Variants in CACNB1 observed in about 807,000 individuals in gnomAD.
CACNB1 encodes voltage-dependent L-type calcium channel subunit beta-1.
In CACNB1, 29 loss-of-function variants were observed where a neutral mutation model predicts 71.6. The observed-to-expected ratio is 0.40, with a 90% CI of 0.30 to 0.55. The LOEUF is 0.55. Ranked by LOEUF, CACNB1 falls within the 20% of genes least tolerant of loss-of-function variation. CACNB1 has a pLI of 0.38. For missense variants in CACNB1, 623 were observed against 801.8 expected (o/e 0.78, Z 2.69); for synonymous variants, 300 against 319.6 (o/e 0.94, Z 0.65).
intron 7 of CACNB1, 38 bp from the exon 8 acceptor site, chr17:39,184,902 A>G: frequency 7.5e-7 from 1 of 1,340,948 alleles, no homozygotes; most frequent in Non-Finnish European, 1.1e-6. Context: ...CCCAGAGTGG[A>G]GATGACATTA....
In CACNB1 at chr17:39,194,180, C is replaced by G. The variant is rs1404059732; in HGVS notation, c.171+704G>C. On this transcript the variant is annotated intron_variant, in intron 2 of 13. Transcript: ENST00000394303. The surrounding 1 kb of genome is among the most constrained non-coding windows in gnomAD (Gnocchi z 4.6). ...TTGGTGAGATGCTAAGTAGTCATAG[C>G]AACCACATGCCTCTCTCAGTCCCTC... 2.0e-5 allele frequency among the ~76,000 whole-genome samples: 3 copies of G among 152,140 alleles called. No homozygotes were observed. In the East Asian group the frequency reaches 5.8e-4, roughly 29 times the overall value.
chr17:39,175,261 C>G lies in CACNB1; in HGVS notation c.1729G>C (p.Gly577Arg). The G allele has an allele frequency of 6.2e-7, 1 of 1,614,210 alleles. No individual in the cohort carries two copies. Among genetic ancestry groups the G allele is most frequent in the South Asian group, 1.1e-5 (1 of 91,088 alleles). The change falls in exon 14 of 14, where the codon GGG becomes CGG. Residue 577 changes from glycine (G) to arginine (R), a missense_variant. Coordinates refer to ENST00000394303, the MANE Select transcript of CACNB1 (RefSeq NM_000723.5). The surrounding 1 kb of genome is among the most constrained non-coding windows in gnomAD (Gnocchi z 4.7). ...RNKARYCAEGGGPVLGRNKNE... is the reference protein window; with the variant it reads ...RNKARYCAEGRGPVLGRNKNE... ...TTGTTGCGCCCCAAAACTGGACCCC[C>G]ACCCTCAGCGCAGTAGCGGGCCTTA...
At chr17:39,177,656 C>T in intron 12 of CACNB1, 121 bp from the exon 13 acceptor site, 1 of 766,370 alleles carries the variant, frequency 1.3e-6, no homozygotes. Context: ...TAAAAAGAGG[C>T]CTCTGGATGT....
intron 11 of CACNB1, among the ~76,000 whole-genome samples, chr17:39,180,725 TAGAC>T (rs976696482): frequency 3.3e-5 from 5 of 152,050 alleles, no homozygotes; most frequent in Admixed American, 6.6e-5. Context: ...TGAAAAAAAT[TAGAC>T]TGTACACTTA....
At chr17:39,190,476 G>A (rs56310621) in intron 3 of CACNB1, among the ~76,000 whole-genome samples, 1 of 151,932 alleles carries the variant, frequency 6.6e-6, no homozygotes, top group Non-Finnish European at 1.5e-5. Context: ...CACCCAGGCC[G>A]GAGTGCAGTG....
At chr17:39,187,182 G>T in intron 4 of CACNB1, 1 of 600,146 alleles carries the variant, frequency 1.7e-6, no homozygotes, top group Non-Finnish European at 2.9e-6. Flanking sequence ...TTCTCCCCAT[G>T]TGCCCACCCT....
At chr17:39,190,159 T>C (rs1159950724) in intron 3 of CACNB1, among the ~76,000 whole-genome samples, 2 of 145,056 alleles carry the variant, frequency 1.4e-5, no homozygotes, top group African/African-American at 2.5e-5. Flanking sequence ...CAGTGGCCCA[T>C]GCCTGTAATC....
At chr17:39,185,556 G>GCT (rs1555582958) in intron 6 of CACNB1, among the ~76,000 whole-genome samples, 1 of 149,838 alleles carries the variant, frequency 6.7e-6, no homozygotes, top group Non-Finnish European at 1.5e-5. Context: ...GCAGCCAGCA[G>GCT]CCCCCCCCCA....
At chr17:39,189,406 C>T (rs892419536) in intron 3 of CACNB1, among the ~76,000 whole-genome samples, 14 of 151,824 alleles carry the variant, frequency 9.2e-5, no homozygotes, top group African/African-American at 2.9e-4. Flanking sequence ...ATAATAGCAG[C>T]CAGGCACAGT....
chr17:39,177,228 G>T, intron 13 of CACNB1, 122 bp downstream of exon 13: 1 of 1,562,180 alleles, frequency 6.4e-7, no homozygotes, highest in Non-Finnish European at 8.7e-7. Flanking sequence ...CAGGAGGGAA[G>T]ACGGGCAGGG....
At chr17:39,184,447 C>A (rs911349906) in intron 8 of CACNB1, 64 bp from the exon 9 acceptor site, 4 of 907,560 alleles carry the variant, frequency 4.4e-6, no homozygotes, top group Non-Finnish European at 7.1e-6. Context: ...CGCTCAGACT[C>A]TGAGTCGCTG....
intron 8 of CACNB1, 32 bp from the exon 9 acceptor site, chr17:39,184,415 G>A: frequency 1.9e-6 from 2 of 1,037,330 alleles, no homozygotes; most frequent in East Asian, 2.6e-5. Context: ...GAGGGAGGGA[G>A]GAGAAGGCAG....
At chr17:39,196,837 G>A (rs1379730290) in intron 1 of CACNB1, among the ~76,000 whole-genome samples, 1 of 152,028 alleles carries the variant, frequency 6.6e-6, no homozygotes, top group Non-Finnish European at 1.5e-5. Flanking sequence ...AGGGGAGCAG[G>A]TCCGACATAG....
Position 39,194,505 on chromosome 17 carries a change from T to C in CACNB1, c.171+379A>G, listed in dbSNP as rs2046161093. Reference sequence around the variant, plus strand: ...TCCTTGCTCTGCTTTTCCTAGGACCTGCCTCCACCCAACCCTGTCACAGAT... The same window carrying C: ...TCCTTGCTCTGCTTTTCCTAGGACCCGCCTCCACCCAACCCTGTCACAGAT... On this transcript the variant is annotated intron_variant, in intron 2 of 13. Transcript: ENST00000394303. The surrounding 1 kb of genome is among the most constrained non-coding windows in gnomAD (Gnocchi z 4.6). Among the ~76,000 whole-genome samples, 1 of 152,116 alleles carries C rather than the reference T, an allele frequency of 6.6e-6. No individual in the cohort carries two copies. The highest frequency in any genetic ancestry group is 2.4e-5 in the African/African-American group (1 of 41,410).
Position 39,181,253 on chromosome 17 carries a change from G to A in CACNB1, c.1050+2460C>T, listed in dbSNP as rs527563051. Among the ~76,000 whole-genome samples, 6 of 151,688 alleles carry A rather than the reference G, an allele frequency of 4.0e-5. No individual in the cohort carries two copies. In the East Asian group the frequency reaches 7.8e-4, roughly 20 times the overall value. On this transcript the variant is annotated intron_variant, in intron 11 of 13. Transcript: ENST00000394303. ...GAATTACAGGTGCCCACCACCATGC[G>A]CAGCTAATTTTTTGAATTTTAGTAG... is the stretch of plus-strand genomic sequence containing the variant.
chr17:39,180,567 A>C (rs938204999), intron 11 of CACNB1, among the ~76,000 whole-genome samples: 3 of 151,812 alleles, frequency 2.0e-5, no homozygotes, highest in Non-Finnish European at 4.4e-5. Flanking sequence ...AGGCAGGAGA[A>C]TCACTTGAAC....
intron 11 of CACNB1, among the ~76,000 whole-genome samples, chr17:39,183,329 C>T (rs1407608970): frequency 1.5e-5 from 2 of 135,112 alleles, no homozygotes; most frequent in Non-Finnish European, 3.2e-5. Flanking sequence ...GAGATCCTGA[C>T]TTAAAAAAAA....
Position 39,183,716 on chromosome 17 carries a change from G to C in CACNB1, c.1047C>G (p.Pro349=). The change falls in exon 11 of 14, where the codon CCC becomes CCG. Residue 349 remains proline (P), a synonymous_variant. Transcript: ENST00000394303. ...AGGGTCAGGCTCCTGCACCCACCTTGGGAGAGGTGATCTTGATGTAAACAA... is the reference window on the plus strand; with the variant it reads ...AGGGTCAGGCTCCTGCACCCACCTTCGGAGAGGTGATCTTGATGTAAACAA... ...PIIVYIKITS[P]KVLQRLIKSR... 1 of 1,598,784 alleles carries C rather than the reference G, an allele frequency of 6.3e-7. No homozygotes were observed. Among genetic ancestry groups the C allele is most frequent in the Non-Finnish European group, 8.5e-7 (1 of 1,172,136 alleles).
intron 3 of CACNB1, among the ~76,000 whole-genome samples, chr17:39,188,927 T>C (rs1413672188): frequency 6.6e-6 from 1 of 151,676 alleles, no homozygotes; most frequent in African/African-American, 2.4e-5. Flanking sequence ...CCTGTAATCT[T>C]GGCTACTTGG....
Sources: gnomAD v4.1 joint callset for allele counts (sites outside exome capture counted in the v4.1 genomes callset) on GRCh38, gnomAD v4.1.1 for gene constraint, Gnocchi (gnomAD v3.1) non-coding constraint, MANE v1.5 for transcripts, NCBI Gene and HGNC (gene_info 2026-07-23, HGNC 2026-07-21) for gene names.